CHST6: variants seen among roughly 807,000 people sequenced by gnomAD.
CHST6 encodes the protein N-acetylglucosamine 6-O-sulfotransferase 5.
For missense variants in CHST6, 698 were observed against 586.2 expected, an observed-to-expected ratio of 1.19 and a Z score of -1.97; for synonymous variants, 309 against 276.4, an observed-to-expected ratio of 1.12 and a Z score of -1.17.
In CHST6 at chr16:75,479,633, C is replaced by T; in HGVS notation, c.196G>A (p.Val66Ile). Residue 66 changes from valine to isoleucine, a missense_variant, in exon 3 of 3, where the codon GTC (valine) becomes ATC (isoleucine). By Grantham distance (29) the Val-to-Ile change is conservative (BLOSUM62 3). Coordinates refer to ENST00000332272, the MANE Select transcript of CHST6 (RefSeq NM_021615.5). Reference sequence around the variant, plus strand: ...CACGCGGGCTCCATTAGGTAGAAGACGTCGGGGTGCTGGTTGAAGAGTTGG... The same window carrying T: ...CACGCGGGCTCCATTAGGTAGAAGATGTCGGGGTGCTGGTTGAAGAGTTGG... Reference protein sequence around the residue: ...VGQLFNQHPDVFYLMEPAWHV... With the variant: ...VGQLFNQHPDIFYLMEPAWHV... 2.5e-6 allele frequency: 4 copies of T among 1,612,768 alleles called. No individual in the cohort carries two copies. The South Asian group carries it at 3.3e-5, about 13-fold the overall frequency.
At chr16:75,491,218 T>TATATATATATATATAA (rs1384245947) in intron 1 of CHST6, among the ~76,000 whole-genome samples, 6 of 97,672 alleles carry the variant, frequency 6.1e-5, no homozygotes, top group East Asian at 1.0e-3. Context: ...TATATATATA[T>TATATATATATATATAA]AAAATATAAT....
intron 1 of CHST6, chr16:75,490,641 G>C (rs1458625735): frequency 6.6e-6 from 1 of 151,968 alleles, no homozygotes; most frequent in African/African-American, 2.4e-5. Context: ...CAGAGACGTG[G>C]GGATCCTCAT....
In CHST6 at chr16:75,479,509, A is replaced by G. The variant is rs72547545; in HGVS notation, c.320T>C (p.Phe107Ser). 17 of 1,612,852 alleles carry G rather than the reference A, an allele frequency of 1.1e-5. No individual in the cohort carries two copies. In the South Asian group the frequency reaches 1.9e-4, roughly 18 times the overall value. Residue 107 changes from phenylalanine (F) to serine (S), a missense_variant, in exon 3 of 3, where the codon TTT becomes TCT. Physicochemically the swap from Phe to Ser is radical, Grantham distance 155. Transcript: ENST00000332272. ...GCGGCGCCAAGGCAGATAGGCATCA[A>G]ACACGTCCATGTCGCACAGGAAGAC... is the stretch of plus-strand genomic sequence containing the variant. ...RSVFLCDMDVFDAYLPWRRNL... is the reference protein window; with the variant it reads ...RSVFLCDMDVSDAYLPWRRNL...
chr16:75,477,879 C>A lies in CHST6; in HGVS notation c.*762G>T, dbSNP rs2080083513. ...GCTTTCCCCCTCTTGCTCTGCCACT[C>A]ACTGTGCCTGGCTTGCTGCCCAGCC... On this transcript the variant is annotated 3_prime_UTR_variant, in exon 3 of 3. Transcript: ENST00000332272. 1 of 153,596 alleles carries A rather than the reference C, an allele frequency of 6.5e-6. No homozygotes were observed. The highest frequency in any genetic ancestry group is 2.1e-4 in the South Asian group (1 of 4,868). 9.5% of individuals were successfully genotyped at this position (153,596 alleles called of 1,614,324 possible).
At chr16:75,489,413 AAAAAAAG>A (rs111251729) in intron 1 of CHST6, among the ~76,000 whole-genome samples, 5 of 151,428 alleles carry the variant, frequency 3.3e-5, no homozygotes, top group African/African-American at 9.7e-5. Flanking sequence ...AAAAAAAAAA[AAAAAAAG>A]AAAAAAGAAA....
rs1164561917 is a variant in CHST6, at chr16:75,474,821, ACT to A, written c.*3818_*3819del. The stretch of plus-strand genomic sequence containing the variant: ...ATAATGGTGGTTTTTTTTAAGACAG[ACT>A]CTCGCTTTGTTGCCCAGGCTGGAGT... On this transcript the variant is annotated 3_prime_UTR_variant, in exon 3 of 3. Transcript: ENST00000332272. 9 of 392,710 alleles carry A rather than the reference ACT, an allele frequency of 2.3e-5. No homozygotes were observed. Among genetic ancestry groups the A allele is most frequent in the Non-Finnish European group, 3.6e-5 (8 of 223,076 alleles). The allele number at this position is 392,710 out of a possible 1,614,324, so 24.3% of individuals were successfully genotyped here. A position where few individuals can be genotyped will look rare whatever the true frequency, so the allele number is the denominator to read the frequency against.
Position 75,473,745 on chromosome 16 carries a change from G to A in CHST6, c.*4896C>T, listed in dbSNP as rs1166367027. ...TTACCACCTTTGGAAGCCTAAAACTGTTGTCCTTGGTCATCCTATCTCTAC... is the reference window on the plus strand; with the variant it reads ...TTACCACCTTTGGAAGCCTAAAACTATTGTCCTTGGTCATCCTATCTCTAC... On this transcript the variant is annotated 3_prime_UTR_variant, in exon 3 of 3. Transcript: ENST00000332272. 1 of 152,122 alleles carries A rather than the reference G, an allele frequency of 6.6e-6. No individual in the cohort carries two copies. The highest frequency in any genetic ancestry group is 1.5e-5 in the Non-Finnish European group (1 of 68,014). 9.4% of individuals were successfully genotyped at this position (152,122 alleles called of 1,614,324 possible). A position where few individuals can be genotyped will look rare whatever the true frequency, so the allele number is the denominator to read the frequency against.
rs1281629419 is a variant in CHST6 at position 75,476,616 on chromosome 16, C to A, written c.*2025G>T. 1 of 149,580 alleles carries A rather than the reference C, an allele frequency of 6.7e-6. No homozygotes were observed. Among genetic ancestry groups the A allele is most frequent in the Non-Finnish European group, 1.5e-5 (1 of 67,734 alleles). 9.3% of individuals were successfully genotyped at this position (149,580 alleles called of 1,614,324 possible). On this transcript the variant is annotated 3_prime_UTR_variant, in exon 3 of 3. Transcript: ENST00000332272. The stretch of plus-strand genomic sequence containing the variant: ...CTGGAGAGCTGTCTCCCATCTTCTA[C>A]GATAAGAGGACACAGCTAGAAGGCA...
At chr16:75,482,767 G>A (rs2080156044) in intron 1 of CHST6, among the ~76,000 whole-genome samples, 1 of 152,144 alleles carries the variant, frequency 6.6e-6, no homozygotes, top group Admixed American at 6.6e-5. Context: ...ATCGCCCACT[G>A]AGAGAAGCCA....
intron 2 of CHST6, 83 bp from the exon 3 acceptor site, chr16:75,479,927 G>A (rs1294963652): frequency 2.5e-6 from 3 of 1,200,282 alleles, no homozygotes; most frequent in East Asian, 2.6e-5. Context: ...GCAGGGGGCA[G>A]ATTCTACCAC....
rs996288645 is a variant in CHST6 at position 75,474,504 on chromosome 16, G to A, written c.*4137C>T. On this transcript the variant is annotated 3_prime_UTR_variant, in exon 3 of 3. Transcript: ENST00000332272. ...TTGCCCAGGCTGGTCTTGAGTGCCTGGTCTCAAGTGATCCTCCTGCCTCAG... is the reference window on the plus strand; with the variant it reads ...TTGCCCAGGCTGGTCTTGAGTGCCTAGTCTCAAGTGATCCTCCTGCCTCAG... 3 of 395,804 alleles carry A rather than the reference G, an allele frequency of 7.6e-6. No individual in the cohort carries two copies. The highest frequency in any genetic ancestry group is 6.2e-5 in the African/African-American group (3 of 48,434). 24.5% of individuals were successfully genotyped at this position (395,804 alleles called of 1,614,324 possible). A position where few individuals can be genotyped will look rare whatever the true frequency, so the allele number is the denominator to read the frequency against.
At chr16:75,484,943 G>A (rs568117905) in intron 1 of CHST6, among the ~76,000 whole-genome samples, 73 of 152,262 alleles carry the variant, frequency 4.8e-4, no homozygotes, top group African/African-American at 1.6e-3. Context: ...ACACCCCCTG[G>A]GCAGACACAG....
chr16:75,474,275 A>C lies in CHST6; in HGVS notation c.*4366T>G, dbSNP rs37606. The C allele has an allele frequency of 3.6e-6, 1 of 274,474 alleles. No individual in the cohort carries two copies. 17.0% of individuals were successfully genotyped at this position (274,474 alleles called of 1,614,324 possible). A position where few individuals can be genotyped will look rare whatever the true frequency, so the allele number is the denominator to read the frequency against. The stretch of plus-strand genomic sequence containing the variant: ...TTGTTTTGCTATAACAATACCACAG[A>C]TGGGGTCATTTATTTAGAGATAGGT... On this transcript the variant is annotated 3_prime_UTR_variant, in exon 3 of 3. Coordinates refer to ENST00000332272, the MANE Select transcript of CHST6 (RefSeq NM_021615.5).
In CHST6 at chr16:75,475,068, T is replaced by C. The variant is rs2080052530; in HGVS notation, c.*3573A>G. 5.8e-6 allele frequency: 1 copy of C among 173,540 alleles called. No homozygotes were observed. 10.8% of individuals were successfully genotyped at this position (173,540 alleles called of 1,614,324 possible). ...ACCTCAACCTCCCAAAATGCTGGGA[T>C]TACAGACATGAGCTACCATGCCTGC... On this transcript the variant is annotated 3_prime_UTR_variant, in exon 3 of 3. Transcript: ENST00000332272.
chr16:75,478,897 C>A lies in CHST6; in HGVS notation c.932G>T (p.Gly311Val). The change falls in exon 3 of 3, where the codon GGA becomes GTA. Residue 311 changes from glycine (G) to valine (V), a missense_variant. Physicochemically the swap from Gly to Val is moderately radical, Grantham distance 109. Transcript: ENST00000332272. ...AWIHNITHGSGPGARREAFKT... is the reference protein window; with the variant it reads ...AWIHNITHGSVPGARREAFKT... ...GAAGGCTTCGCGGCGCGCACCAGGT[C>A]CAGATCCGTGGGTGATGTTATGGAT... 1 of 1,613,150 alleles carries A rather than the reference C, an allele frequency of 6.2e-7. No homozygotes were observed. Among genetic ancestry groups the A allele is most frequent in the Non-Finnish European group, 8.5e-7 (1 of 1,179,930 alleles).
At chr16:75,481,124 A>G (rs1035214935) in intron 2 of CHST6, among the ~76,000 whole-genome samples, 7 of 151,264 alleles carry the variant, frequency 4.6e-5, no homozygotes, top group Admixed American at 4.0e-4. Context: ...AAACAAAAAA[A>G]GGAAAGCCAG....
intron 1 of CHST6, among the ~76,000 whole-genome samples, chr16:75,491,800 C>G (rs780847132): frequency 1.3e-5 from 2 of 152,238 alleles, no homozygotes; most frequent in Non-Finnish European, 2.9e-5. Flanking sequence ...CTTTGTCCAG[C>G]TATCACTGCA....
At position 75,485,163 on chromosome 16, in the gene CHST6, T is replaced by C. The variant is rs570530667; in HGVS notation, c.-91-3272A>G. Among the ~76,000 whole-genome samples, 419 of 152,330 alleles carry C rather than the reference T, an allele frequency of 2.8e-3. 1 individual carries two copies. Among genetic ancestry groups the C allele is most frequent in the Middle Eastern group, 6.8e-3 (2 of 294 alleles). ...AAAGTACAAGAGGCCATAAAGGGAATAGAAAGTTCTGTTTCTTGTTTTGGT... is the reference window on the plus strand; with the variant it reads ...AAAGTACAAGAGGCCATAAAGGGAACAGAAAGTTCTGTTTCTTGTTTTGGT... On this transcript the variant is annotated intron_variant, in intron 1 of 2. Coordinates refer to ENST00000332272, the MANE Select transcript of CHST6 (RefSeq NM_021615.5).
At position 75,478,825 on chromosome 16, in the gene CHST6, T is replaced by C; in HGVS notation, c.1004A>G (p.His335Arg). ...GCGGATCTTGGCAAAGGGCAGCGCA[T>C]GGCGCCAGGCCTGGGAGACGTTGAG... ...NALNVSQAWRHALPFAKIRRV... is the reference protein window; with the variant it reads ...NALNVSQAWRRALPFAKIRRV... Residue 335 changes from histidine to arginine, a missense_variant, in exon 3 of 3, where the codon CAT becomes CGT. By Grantham distance (29) the His-to-Arg change is conservative (BLOSUM62 0). Coordinates refer to ENST00000332272, the MANE Select transcript of CHST6 (RefSeq NM_021615.5). 1 of 1,613,416 alleles carries C rather than the reference T, an allele frequency of 6.2e-7. No individual in the cohort carries two copies. The highest frequency in any genetic ancestry group is 8.5e-7 in the Non-Finnish European group (1 of 1,179,966).
Sources: allele counts gnomAD v4.1 joint callset (sites outside exome capture counted in the v4.1 genomes callset), GRCh38; gene constraint gnomAD v4.1.1; transcripts MANE v1.5; gene names NCBI Gene and HGNC (gene_info 2026-07-23, HGNC 2026-07-21).